MAGI2: variants seen among roughly 807,000 people sequenced by gnomAD.
The protein encoded by MAGI2 is membrane associated guanylate kinase, WW and PDZ domain containing 2, also known as membrane-associated guanylate kinase, WW and PDZ domain-containing protein 2.
A neutral mutation model predicts 133.3 loss-of-function variants in MAGI2; 35 were observed. The observed-to-expected ratio is 0.26, with a 90% confidence interval of 0.20 to 0.35. MAGI2 has a LOEUF of 0.35. Among genes scored for constraint, MAGI2 ranks in the 10% least tolerant of loss-of-function variants. MAGI2 has a pLI of 1.00. For missense variants in MAGI2, 1,636 were observed against 1,863.4 expected (o/e 0.88, Z 2.25); for synonymous variants, 729 against 710.6 (o/e 1.03, Z -0.41).
chr7:79,359,461 A>G (rs7797165), intron 1 of MAGI2, among the ~76,000 whole-genome samples: 22,957 of 152,036 alleles, frequency 0.15, 1,914 homozygotes, highest in East Asian at 0.29. Context: ...TCCACACTTG[A>G]TAAAAGACAA....
Position 78,294,439 on chromosome 7 carries a change from T to C in MAGI2, c.1409-37858A>G, listed in dbSNP as rs143250799. ...ATCGAGACCATTACCTTTTTAATAC[T>C]TTGGAACTCTAAAGGTCTTAACTCT... is the stretch of plus-strand genomic sequence containing the variant. On this transcript the variant is annotated intron_variant, in intron 9 of 21. Coordinates refer to ENST00000354212, the MANE Select transcript of MAGI2 (RefSeq NM_012301.4). 3.3e-4 allele frequency among the ~76,000 whole-genome samples: 50 copies of C among 151,538 alleles called. No individual in the cohort carries two copies. In the East Asian group the frequency reaches 7.9e-3, roughly 24 times the overall value.
chr7:78,071,822 G>A (rs963106422), intron 21 of MAGI2, among the ~76,000 whole-genome samples: 6 of 152,312 alleles, frequency 3.9e-5, no homozygotes, highest in South Asian at 2.1e-4. Context: ...ACGCTCAACC[G>A]TGAATGTCAG....
In MAGI2 at chr7:79,453,654, T is replaced by G. The variant is rs1037555247; in HGVS notation, c.-334A>C. 6.9e-6 allele frequency: 2 copies of G among 289,664 alleles called. No individual in the cohort carries two copies. Among genetic ancestry groups the G allele is most frequent in the Non-Finnish European group, 9.5e-6 (2 of 210,116 alleles). The allele number at this position is 289,664 out of a possible 1,614,324, so 17.9% of individuals were successfully genotyped here. A position where few individuals can be genotyped will look rare whatever the true frequency, so the allele number is the denominator to read the frequency against. On this transcript the variant is annotated 5_prime_UTR_variant, in exon 1 of 22. Transcript: ENST00000354212. Reference sequence around the variant, plus strand: ...CAGCCGGAGCGAGCAGTAGCCGAGCTGGTGAGCGGGTGTGGTGGGGGTGGG... The same window carrying G: ...CAGCCGGAGCGAGCAGTAGCCGAGCGGGTGAGCGGGTGTGGTGGGGGTGGG...
intron 3 of MAGI2, among the ~76,000 whole-genome samples, chr7:78,564,359 C>T (rs1800718481): frequency 6.6e-6 from 1 of 152,168 alleles, no homozygotes; most frequent in African/African-American, 2.4e-5. Flanking sequence ...GAAAAACATT[C>T]TGCTTTAGAT....
At chr7:78,176,897 A>C (rs1826674335) in intron 14 of MAGI2, among the ~76,000 whole-genome samples, 1 of 140,742 alleles carries the variant, frequency 7.1e-6, no homozygotes, top group Admixed American at 7.5e-5. Context: ...TATATTTAAA[A>C]ACCATATATA....
chr7:78,725,443 C>T (rs1239467563), intron 2 of MAGI2, among the ~76,000 whole-genome samples: 1 of 152,190 alleles, frequency 6.6e-6, no homozygotes, highest in Non-Finnish European at 1.5e-5. Context: ...AAAACACGCA[C>T]TATGCAACTG....
intron 1 of MAGI2, among the ~76,000 whole-genome samples, chr7:79,345,678 A>G (rs1360730257): frequency 6.6e-6 from 1 of 152,168 alleles, no homozygotes. Context: ...AGAATTATGA[A>G]GAAGAAAAAT....
chr7:78,020,097 GC>G (rs1563010487), intron 21 of MAGI2, 121 bp from the exon 22 acceptor site: 2 of 861,134 alleles, frequency 2.3e-6, no homozygotes, highest in Non-Finnish European at 1.7e-6. Flanking sequence ...AGCCACCGCC[GC>G]CCCCACCCCC....
chr7:78,374,460 T>G (rs900771335), intron 6 of MAGI2, among the ~76,000 whole-genome samples: 4 of 152,156 alleles, frequency 2.6e-5, no homozygotes, highest in African/African-American at 9.6e-5. Context: ...GGGTATTAGA[T>G]TTTTGTCAGA....
chr7:78,703,465 T>C (rs553576369), intron 2 of MAGI2, among the ~76,000 whole-genome samples: 3 of 152,164 alleles, frequency 2.0e-5, no homozygotes, highest in Non-Finnish European at 2.9e-5. Flanking sequence ...TCTCATCTGC[T>C]ATCTAAAGAG....
At chr7:78,086,445 C>T (rs1193900196) in intron 20 of MAGI2, among the ~76,000 whole-genome samples, 1 of 151,652 alleles carries the variant, frequency 6.6e-6, no homozygotes, top group Non-Finnish European at 1.5e-5. Flanking sequence ...CCATGTTGGC[C>T]AGGCTGGTCT....
At chr7:79,409,210 G>A (rs1010051564) in intron 1 of MAGI2, among the ~76,000 whole-genome samples, 1 of 151,814 alleles carries the variant, frequency 6.6e-6, no homozygotes, top group Non-Finnish European at 1.5e-5. Context: ...TAATAGAGGG[G>A]CCAAAGAATT....
At chr7:79,425,889 C>T (rs530139131) in intron 1 of MAGI2, among the ~76,000 whole-genome samples, 5 of 151,984 alleles carry the variant, frequency 3.3e-5, no homozygotes, top group Admixed American at 2.0e-4. Flanking sequence ...GATTGTTTAA[C>T]GACAACAAAA....
chr7:78,488,756 A>C (rs1793311653), intron 6 of MAGI2, among the ~76,000 whole-genome samples: 1 of 152,066 alleles, frequency 6.6e-6, no homozygotes. Flanking sequence ...TTTTAATTTA[A>C]CTCAGTCCCT....
At chr7:78,441,234 C>T (rs1787593183) in intron 6 of MAGI2, among the ~76,000 whole-genome samples, 1 of 152,160 alleles carries the variant, frequency 6.6e-6, no homozygotes, top group Non-Finnish European at 1.5e-5. Context: ...AATTGGATTA[C>T]ATACATAACC....
At chr7:79,364,055 C>T (rs535800962) in intron 1 of MAGI2, among the ~76,000 whole-genome samples, 6 of 151,818 alleles carry the variant, frequency 4.0e-5, no homozygotes, top group Non-Finnish European at 5.9e-5. Context: ...CACCTCACAC[C>T]GATGGAATGT....
intron 2 of MAGI2, among the ~76,000 whole-genome samples, chr7:78,850,897 T>C (rs1205025189): frequency 1.3e-5 from 2 of 151,938 alleles, no homozygotes; most frequent in Non-Finnish European, 2.9e-5. Flanking sequence ...AGAACTTTAA[T>C]TAATTTTTCC....
At position 78,113,001 on chromosome 7, in the gene MAGI2, G is replaced by A. The variant is rs191582901; in HGVS notation, c.3567+12693C>T. ...GAGGACTTACCCAGGGGAACGGGTGGGGGAAGAGCCTTTTGGGAAGAGGGA... is the reference window on the plus strand; with the variant it reads ...GAGGACTTACCCAGGGGAACGGGTGAGGGAAGAGCCTTTTGGGAAGAGGGA... On this transcript the variant is annotated intron_variant, in intron 20 of 21. Coordinates refer to ENST00000354212, the MANE Select transcript of MAGI2 (RefSeq NM_012301.4). 3.0e-3 allele frequency among the ~76,000 whole-genome samples: 453 copies of A among 152,214 alleles called. 1 individual carries two copies. Among genetic ancestry groups the A allele is most frequent in the African/African-American group, 0.01 (424 of 41,512 alleles).
intron 2 of MAGI2, among the ~76,000 whole-genome samples, chr7:78,783,108 T>A (rs1202003267): frequency 1.3e-5 from 2 of 151,032 alleles, no homozygotes; most frequent in Non-Finnish European, 2.9e-5. Context: ...CCATTTATAT[T>A]CCCCACAGCA....
Sources: gnomAD v4.1 joint callset for allele counts (sites outside exome capture counted in the v4.1 genomes callset) on GRCh38, gnomAD v4.1.1 for gene constraint, MANE v1.5 for transcripts, NCBI Gene and HGNC (gene_info 2026-07-23, HGNC 2026-07-21) for gene names.